The following CLEC3A variants were observed in gnomAD, a reference collection of about 807,000 sequenced individuals.
CLEC3A encodes C-type lectin domain family 3 member A, also known as C-type (calcium dependent, carbohydrate-recognition domain) lectin, superfamily member 1 (cartilage-derived).
CLEC3A carries 28 observed loss-of-function variants against 20.4 expected under a neutral mutation model. That is an observed-to-expected ratio of 1.37 (90% confidence interval 1.02 to 1.88). The LOEUF (loss-of-function observed/expected upper bound fraction) is 1.88, where lower values mean the gene tolerates loss of function less well. Ranked by LOEUF, CLEC3A falls within the 40% of genes most tolerant of loss-of-function variation. The pLI, the probability that CLEC3A is intolerant of heterozygous loss-of-function variation, is 0.00. For synonymous variants in CLEC3A, 110 were observed against 88.1 expected, an observed-to-expected ratio of 1.25 and a Z score of -1.39; for missense variants, 357 against 240.4, an observed-to-expected ratio of 1.48 and a Z score of -3.21.
In CLEC3A at chr16:78,030,397, A is replaced by G. The variant is rs373476261; in HGVS notation, c.200-50A>G. On this transcript the variant is annotated intron_variant, in intron 2 of 2. Transcript: ENST00000299642. Reference sequence around the variant, plus strand: ...CTATTTGCCAGGTCCAGCCCTAGTCATAATACACTCAAAATGCATCTTAAT... The same window carrying G: ...CTATTTGCCAGGTCCAGCCCTAGTCGTAATACACTCAAAATGCATCTTAAT... 235 of 1,513,736 alleles carry G rather than the reference A, an allele frequency of 1.6e-4. 1 individual carries two copies. In the African/African-American group the frequency reaches 2.8e-3, roughly 18 times the overall value. 93.8% of individuals were successfully genotyped at this position (1,513,736 alleles called of 1,614,324 possible). A position where few individuals can be genotyped will look rare whatever the true frequency, so the allele number is the denominator to read the frequency against.
At chr16:78,028,055 A>C in intron 1 of CLEC3A, 52 bp from the exon 2 acceptor site, 2 of 1,225,688 alleles carry the variant, frequency 1.6e-6, no homozygotes, top group Non-Finnish European at 2.4e-6. Flanking sequence ...ATTTTATTTT[A>C]ATCATACGCT....
At position 78,032,084 on chromosome 16, in the gene CLEC3A, C is replaced by A. The variant is rs1280448843; in HGVS notation, c.*1243C>A. On this transcript the variant is annotated 3_prime_UTR_variant, in exon 3 of 3. Transcript: ENST00000299642. Reference sequence around the variant, plus strand: ...CTGTTTTCATTGCTCAATAATAAAGCCTGAATTCTGATCAATAGAAAATGT... The same window carrying A: ...CTGTTTTCATTGCTCAATAATAAAGACTGAATTCTGATCAATAGAAAATGT... The A allele has an allele frequency of 6.6e-6, 1 of 152,492 alleles. No homozygotes were observed. The highest frequency in any genetic ancestry group is 6.6e-5 in the Admixed American group (1 of 15,256). 9.4% of individuals were successfully genotyped at this position (152,492 alleles called of 1,614,324 possible).
At position 78,031,855 on chromosome 16, in the gene CLEC3A, G is replaced by A. The variant is rs967891912; in HGVS notation, c.*1014G>A. The A allele has an allele frequency of 1.3e-5, 2 of 152,212 alleles. No homozygotes were observed. Among genetic ancestry groups the A allele is most frequent in the Non-Finnish European group, 2.9e-5 (2 of 67,996 alleles). The allele number at this position is 152,212 out of a possible 1,614,324, so 9.4% of individuals were successfully genotyped here. A position where few individuals can be genotyped will look rare whatever the true frequency, so the allele number is the denominator to read the frequency against. On this transcript the variant is annotated 3_prime_UTR_variant, in exon 3 of 3. Coordinates refer to ENST00000299642, the MANE Select transcript of CLEC3A (RefSeq NM_005752.6). ...TATTCTGCCTAGTGCTATTCTGCTT[G>A]TTTAACTAGATTGTACAAAATAACT... is the stretch of plus-strand genomic sequence containing the variant.
chr16:78,022,846 G>A (rs926764813), intron 1 of CLEC3A, 105 bp downstream of exon 1: 5 of 1,184,034 alleles, frequency 4.2e-6, no homozygotes, highest in African/African-American at 3.1e-5. Context: ...CTTCGGTGAT[G>A]GCACCATGCC....
In CLEC3A at chr16:78,030,657, C is replaced by A. The variant is rs1045384121; in HGVS notation, c.410C>A (p.Thr137Lys). Residue 137 changes from threonine to lysine, a missense_variant, in exon 3 of 3, where the codon ACG (threonine) becomes AAG (lysine). By Grantham distance (78) the Thr-to-Lys change is moderately conservative. Transcript: ENST00000299642. ...TGGCTGGGCATCAATGACATGGTCACGGAAGGCAAGTTTGTTGACGTCAAC... is the reference window on the plus strand; with the variant it reads ...TGGCTGGGCATCAATGACATGGTCAAGGAAGGCAAGTTTGTTGACGTCAAC... ...DFWLGINDMVTEGKFVDVNGI... is the reference protein window; with the variant it reads ...DFWLGINDMVKEGKFVDVNGI... 2.5e-6 allele frequency: 4 copies of A among 1,613,982 alleles called. No homozygotes were observed. The African/African-American group carries it at 5.3e-5, about 22-fold the overall frequency.
At chr16:78,024,281 T>C (rs1156569148) in intron 1 of CLEC3A, among the ~76,000 whole-genome samples, 1 of 152,072 alleles carries the variant, frequency 6.6e-6, no homozygotes, top group Non-Finnish European at 1.5e-5. Flanking sequence ...GATCACCCAG[T>C]AGGAATGTGT....
intron 1 of CLEC3A, among the ~76,000 whole-genome samples, chr16:78,026,125 G>T (rs968506338): frequency 3.9e-5 from 6 of 152,164 alleles, no homozygotes; most frequent in African/African-American, 1.4e-4. Context: ...TTAGGTTATA[G>T]TATTTCTGAG....
At chr16:78,027,602 G>A (rs2029964608) in intron 1 of CLEC3A, among the ~76,000 whole-genome samples, 1 of 152,110 alleles carries the variant, frequency 6.6e-6, no homozygotes, top group African/African-American at 2.4e-5. Context: ...TCCTGTCCAA[G>A]TTATTTTCTT....
rs576052429 is a variant in CLEC3A, at chr16:78,030,068, G to A, written c.200-379G>A. 1.5e-4 allele frequency among the ~76,000 whole-genome samples: 22 copies of A among 151,234 alleles called. 1 individual carries two copies. Among genetic ancestry groups the A allele is most frequent in the East Asian group, 5.9e-4 (3 of 5,094 alleles). On this transcript the variant is annotated intron_variant, in intron 2 of 2. Transcript: ENST00000299642. ...CTCGGGAGCCTGAGACGGGAGAATG[G>A]CGTGAATCCGGGAGGCGGAGCTTGC...
At chr16:78,028,940 T>A (rs147416501) in intron 2 of CLEC3A, 29 of 330,882 alleles carry the variant, frequency 8.8e-5, no homozygotes, top group African/African-American at 5.3e-4. Context: ...GTAACAAGGG[T>A]GACATACTCC....
intron 2 of CLEC3A, among the ~76,000 whole-genome samples, chr16:78,028,519 G>C (rs983014213): frequency 2.0e-5 from 3 of 152,224 alleles, no homozygotes; most frequent in Non-Finnish European, 4.4e-5. Flanking sequence ...TGATAGCTAA[G>C]TGCCTATCAG....
chr16:78,022,860 ATC>A, intron 1 of CLEC3A, 119 bp downstream of exon 1: 1 of 1,016,448 alleles, frequency 9.8e-7, no homozygotes, highest in Non-Finnish European at 1.4e-6. Context: ...CCATGCCATC[ATC>A]CCTATATGGC....
intron 1 of CLEC3A, among the ~76,000 whole-genome samples, chr16:78,025,884 T>C (rs1194892458): frequency 6.6e-6 from 1 of 152,206 alleles, no homozygotes; most frequent in Non-Finnish European, 1.5e-5. Flanking sequence ...TTCATGTGTC[T>C]TCATGTTAAT....
At position 78,031,794 on chromosome 16, in the gene CLEC3A, C is replaced by G. The variant is rs559129799; in HGVS notation, c.*953C>G. The G allele has an allele frequency of 3.9e-5, 6 of 152,010 alleles. No homozygotes were observed. The highest frequency in any genetic ancestry group is 8.8e-5 in the Non-Finnish European group (6 of 68,006). 9.4% of individuals were successfully genotyped at this position (152,010 alleles called of 1,614,324 possible). On this transcript the variant is annotated 3_prime_UTR_variant, in exon 3 of 3. Coordinates refer to ENST00000299642, the MANE Select transcript of CLEC3A (RefSeq NM_005752.6). Reference sequence around the variant, plus strand: ...AGCTGAAAACTGAATTTAAAGAATGCTATCTTGGAAAATTGCATACGTCTG... The same window carrying G: ...AGCTGAAAACTGAATTTAAAGAATGGTATCTTGGAAAATTGCATACGTCTG...
At chr16:78,025,863 C>T (rs2029904082) in intron 1 of CLEC3A, among the ~76,000 whole-genome samples, 1 of 152,166 alleles carries the variant, frequency 6.6e-6, no homozygotes, top group Non-Finnish European at 1.5e-5. Flanking sequence ...CTCCCAGGAG[C>T]CTAATATCAA....
chr16:78,024,488 A>G (rs949010490), intron 1 of CLEC3A, among the ~76,000 whole-genome samples: 2 of 151,940 alleles, frequency 1.3e-5, no homozygotes, highest in East Asian at 1.9e-4. Context: ...CCACATGTGC[A>G]TGCACATGCT....
intron 2 of CLEC3A, among the ~76,000 whole-genome samples, chr16:78,030,057 A>G (rs1207676735): frequency 6.7e-6 from 1 of 149,318 alleles, no homozygotes; most frequent in African/African-American, 2.5e-5. Context: ...GGAGCCTGAG[A>G]CGGGAGAATG....
rs547121211 is a variant in CLEC3A, at chr16:78,030,494, G to C, written c.247G>C (p.Glu83Gln). ...TCACAAGAAATGCTACCTTGCTTCAGAAGGTTTGAAGCATTTCCATGAGGC... is the reference window on the plus strand; with the variant it reads ...TCACAAGAAATGCTACCTTGCTTCACAAGGTTTGAAGCATTTCCATGAGGC... ...KVHKKCYLAS[E>Q]GLKHFHEANE... Residue 83 changes from glutamate to glutamine, a missense_variant, in exon 3 of 3, where the codon GAA becomes CAA. Transcript: ENST00000299642. 2.5e-6 allele frequency: 4 copies of C among 1,612,584 alleles called. No homozygotes were observed. Among genetic ancestry groups the C allele is most frequent in the Admixed American group, 1.7e-5 (1 of 59,860 alleles).
chr16:78,025,553 G>A (rs953377097), intron 1 of CLEC3A, among the ~76,000 whole-genome samples: 4 of 152,128 alleles, frequency 2.6e-5, no homozygotes, highest in African/African-American at 9.7e-5. Flanking sequence ...CATGTCTTCT[G>A]GGAATGACTT....
Sources: allele counts gnomAD v4.1 joint callset (sites outside exome capture counted in the v4.1 genomes callset), GRCh38; gene constraint gnomAD v4.1.1; transcripts MANE v1.5; gene names NCBI Gene and HGNC (gene_info 2026-07-23, HGNC 2026-07-21).